Variants in INTS7 observed in about 807,000 individuals in gnomAD.
INTS7 encodes chromosome 1 open reading frame 73.
INTS7 carries 46 observed loss-of-function variants against 109.2 expected under a neutral mutation model. The ratio of observed to expected loss-of-function variants is 0.42; its 90% CI spans 0.33 to 0.54. INTS7 has a LOEUF of 0.54. Among genes scored for constraint, INTS7 ranks in the 20% least tolerant of loss-of-function variants. The probability of loss-of-function intolerance (pLI) is 0.07; values close to 1 mark genes in which losing one functional copy is unlikely to be tolerated. For synonymous variants in INTS7, 412 were observed against 402.9 expected, an observed-to-expected ratio of 1.02 and a Z score of -0.27; for missense variants, 929 against 1,132.4, an observed-to-expected ratio of 0.82 and a Z score of 2.58.
In INTS7 at chr1:211,960,807, G is replaced by A. The variant is rs542307163; in HGVS notation, c.2183+5623C>T. On this transcript the variant is annotated intron_variant, in intron 16 of 19. Transcript: ENST00000366994. Reference sequence around the variant, plus strand: ...ATGGGTCGATCACTTGAAGTCAGGAGTTTGAGACAAGCCTGGCCAACATGT... The same window carrying A: ...ATGGGTCGATCACTTGAAGTCAGGAATTTGAGACAAGCCTGGCCAACATGT... Among the ~76,000 whole-genome samples, 64 of 152,264 alleles carry A rather than the reference G, an allele frequency of 4.2e-4. 1 individual carries two copies. In the South Asian group the frequency reaches 0.013, roughly 32 times the overall value.
intron 7 of INTS7, among the ~76,000 whole-genome samples, chr1:211,989,798 G>T (rs1665066931): frequency 6.7e-6 from 1 of 150,374 alleles, no homozygotes; most frequent in South Asian, 2.1e-4. Context: ...TTCCAGCCAG[G>T]GCGACAGAGC....
intron 1 of INTS7, among the ~76,000 whole-genome samples, chr1:212,023,266 T>A (rs1314087850): frequency 6.6e-6 from 1 of 152,206 alleles, no homozygotes; most frequent in African/African-American, 2.4e-5. Context: ...TGTGTATATA[T>A]CCAGTAATGG....
At chr1:212,021,982 A>C (rs1003404339) in intron 1 of INTS7, among the ~76,000 whole-genome samples, 2 of 152,256 alleles carry the variant, frequency 1.3e-5, no homozygotes, top group Non-Finnish European at 2.9e-5. Context: ...AGGAACATTT[A>C]TAACATTGAA....
rs1409914833 is a variant in INTS7, at chr1:211,946,079, T to C, written c.2415+528A>G. On this transcript the variant is annotated intron_variant, in intron 18 of 19. Transcript: ENST00000366994. The surrounding 1 kb of genome is among the most constrained non-coding windows in gnomAD (Gnocchi z 4.3). ...TCCAGTTACCCAAATGCCTGTCTCA[T>C]AGAATTTGGCACTGACAATTAAAAA... Among the ~76,000 whole-genome samples, 1 of 152,232 alleles carries C rather than the reference T, an allele frequency of 6.6e-6. No homozygotes were observed. Among genetic ancestry groups the C allele is most frequent in the Non-Finnish European group, 1.5e-5 (1 of 68,046 alleles).
chr1:211,963,097 T>A (rs568759768), intron 16 of INTS7, among the ~76,000 whole-genome samples: 12 of 151,774 alleles, frequency 7.9e-5, no homozygotes, highest in African/African-American at 2.9e-4. Context: ...TGAAAAAAAA[T>A]TAGTATCTAT....
At chr1:211,998,707 ACTT>A (rs1355626952) in intron 7 of INTS7, among the ~76,000 whole-genome samples, 1 of 151,104 alleles carries the variant, frequency 6.6e-6, no homozygotes, top group African/African-American at 2.4e-5. Flanking sequence ...AAAACTTAAA[ACTT>A]CTTTTTAAAA....
chr1:211,981,533 T>G (rs527349433), intron 9 of INTS7, among the ~76,000 whole-genome samples: 1 of 152,214 alleles, frequency 6.6e-6, no homozygotes, highest in Non-Finnish European at 1.5e-5. Context: ...CTATGCAGTA[T>G]GTGTTAATCT....
intron 3 of INTS7, 144 bp from the exon 4 acceptor site, chr1:212,017,167 A>G: frequency 1.7e-6 from 1 of 576,596 alleles, no homozygotes; most frequent in Non-Finnish European, 2.9e-6. Flanking sequence ...ATAACTTTAG[A>G]AATCCATGAC....
At chr1:211,993,833 T>C (rs536150193) in intron 7 of INTS7, among the ~76,000 whole-genome samples, 1 of 152,256 alleles carries the variant, frequency 6.6e-6, no homozygotes, top group East Asian at 1.9e-4. Flanking sequence ...TATGAAACTA[T>C]CGTTTTTGAC....
intron 3 of INTS7, among the ~76,000 whole-genome samples, chr1:212,017,714 A>G (rs891592704): frequency 2.0e-5 from 3 of 152,246 alleles, no homozygotes; most frequent in Non-Finnish European, 4.4e-5. Flanking sequence ...TGCAGTAAAC[A>G]AAACCTACAA....
chr1:211,976,515 C>G (rs1664428929), intron 12 of INTS7, 67 bp downstream of exon 12: 1 of 1,374,748 alleles, frequency 7.3e-7, no homozygotes, highest in South Asian at 1.4e-5. Flanking sequence ...AACTAATAAT[C>G]ATACAATTGA....
chr1:211,997,549 A>T (rs999454708), intron 7 of INTS7, among the ~76,000 whole-genome samples: 1 of 150,278 alleles, frequency 6.7e-6, no homozygotes, highest in Non-Finnish European at 1.5e-5. Flanking sequence ...AAAAAAAAAA[A>T]AGGGAGAGAT....
chr1:212,016,048 A>G (rs1027643981), intron 4 of INTS7, among the ~76,000 whole-genome samples: 1 of 152,194 alleles, frequency 6.6e-6, no homozygotes, highest in African/African-American at 2.4e-5. Context: ...TTCTAAAAAC[A>G]TTGGTTTTAA....
intron 7 of INTS7, 82 bp from the exon 8 acceptor site, chr1:211,988,085 C>G (rs570761776): frequency 4.3e-6 from 3 of 694,748 alleles, no homozygotes; most frequent in East Asian, 3.1e-5. Context: ...CATTTTCTGG[C>G]TTTTAGAAAA....
At chr1:212,015,068 G>T (rs1442500962) in intron 4 of INTS7, among the ~76,000 whole-genome samples, 3 of 142,034 alleles carry the variant, frequency 2.1e-5, no homozygotes, top group Non-Finnish European at 4.4e-5. Context: ...CCGCCCGGCA[G>T]CCGCCCCATC....
At chr1:211,973,826 T>A (rs1459483892) in intron 13 of INTS7, among the ~76,000 whole-genome samples, 1 of 152,200 alleles carries the variant, frequency 6.6e-6, no homozygotes, top group Non-Finnish European at 1.5e-5. Context: ...ACCAAGTGTT[T>A]ATGATCTGTT....
chr1:212,005,929 A>C (rs1041359564), intron 7 of INTS7, among the ~76,000 whole-genome samples: 1 of 152,214 alleles, frequency 6.6e-6, no homozygotes, highest in African/African-American at 2.4e-5. Flanking sequence ...ACAGAAAAAC[A>C]AACACAGCAG....
At chr1:212,029,405 C>T (rs1667058534) in intron 1 of INTS7, among the ~76,000 whole-genome samples, 1 of 152,212 alleles carries the variant, frequency 6.6e-6, no homozygotes. Context: ...GCTAGAAATA[C>T]TGCTGCTGCC....
intron 14 of INTS7, 138 bp from the exon 15 acceptor site, chr1:211,968,119 T>C (rs976742451): frequency 9.4e-6 from 5 of 532,842 alleles, no homozygotes; most frequent in African/African-American, 2.0e-5. Context: ...TGTCATTCCA[T>C]TCATTTTCAT....
Sources: gnomAD v4.1 joint callset for allele counts (sites outside exome capture counted in the v4.1 genomes callset) on GRCh38, gnomAD v4.1.1 for gene constraint, Gnocchi (gnomAD v3.1) non-coding constraint, MANE v1.5 for transcripts, NCBI Gene and HGNC (gene_info 2026-07-23, HGNC 2026-07-21) for gene names.